The following PLEKHA4 variants were observed in gnomAD, a reference collection of about 807,000 sequenced individuals.
PLEKHA4 encodes the protein pleckstrin homology domain-containing family A member 4.
Under a neutral mutation model 94.7 loss-of-function variants are expected in PLEKHA4, and 73 were observed. The observed-to-expected ratio is 0.77, with a 90% CI of 0.64 to 0.94. PLEKHA4 has a LOEUF of 0.94. Ranked by LOEUF, PLEKHA4 falls within the 40% of genes least tolerant of loss-of-function variation. The pLI is 0.00. For missense variants in PLEKHA4, 1,049 were observed against 1,054.1 expected, an observed-to-expected ratio of 1.00 and a Z score of 0.07; for synonymous variants, 449 against 437.1, an observed-to-expected ratio of 1.03 and a Z score of -0.34.
chr19:48,845,317 TG>T, intron 16 of PLEKHA4, 52 bp downstream of exon 16: 1 of 1,549,628 alleles, frequency 6.5e-7, no homozygotes, highest in Non-Finnish European at 8.9e-7. Flanking sequence ...CCCAGAAGTG[TG>T]GGGGTCCCTG....
chr19:48,845,233 A>T, intron 16 of PLEKHA4, 137 bp downstream of exon 16: 1 of 809,818 alleles, frequency 1.2e-6, no homozygotes. Context: ...ACAAAAATCA[A>T]TCTCAATGCT....
rs1242578122 is a variant in PLEKHA4, at chr19:48,859,127, G to A, written c.705C>T (p.Pro235=). The change falls in exon 8 of 20, where the codon CCC becomes CCT. Residue 235 remains proline (P), a synonymous_variant. Transcript: ENST00000263265. ...RRARSPDLFT[P]LSRPPSPLSL... ...TCAGAGGCGAGGGAGGGCGAGAGAG[G>A]GGGGTGAACAGGCTGTGGGAAGGAG... 2 of 1,519,688 alleles carry A rather than the reference G, an allele frequency of 1.3e-6. No homozygotes were observed. The allele number at this position is 1,519,688 out of a possible 1,614,324, so 94.1% of individuals were successfully genotyped here. A position where few individuals can be genotyped will look rare whatever the true frequency, so the allele number is the denominator to read the frequency against.
At chr19:48,843,328 G>GCCA (rs1222791032) in intron 16 of PLEKHA4, among the ~76,000 whole-genome samples, 21 of 151,976 alleles carry the variant, frequency 1.4e-4, no homozygotes, top group Admixed American at 2.6e-4. Flanking sequence ...ACAGGCATGT[G>GCCA]CCACCACGCC....
intron 3 of PLEKHA4, among the ~76,000 whole-genome samples, chr19:48,863,580 A>G (rs185883570): frequency 0.015 from 2,172 of 149,536 alleles, 32 homozygotes; most frequent in Admixed American, 0.036. Context: ...GCAGGCGACC[A>G]CCACCACGCC....
At chr19:48,850,235 G>A (rs937873625) in intron 13 of PLEKHA4, among the ~76,000 whole-genome samples, 3 of 151,680 alleles carry the variant, frequency 2.0e-5, no homozygotes, top group Non-Finnish European at 2.9e-5. Flanking sequence ...GCCAGGCGCC[G>A]TGACTCACGC....
intron 17 of PLEKHA4, among the ~76,000 whole-genome samples, chr19:48,840,184 G>T (rs1046551747): frequency 4.6e-5 from 7 of 151,924 alleles, no homozygotes; most frequent in South Asian, 4.1e-4. Context: ...TCCTTCCAAG[G>T]CAGGAGGATC....
chr19:48,861,560 G>A, intron 4 of PLEKHA4, 59 bp from the exon 5 acceptor site: 1 of 1,612,512 alleles, frequency 6.2e-7, no homozygotes, highest in Non-Finnish European at 8.5e-7. Flanking sequence ...AGATGCTAGA[G>A]AGAAGGGCAG....
chr19:48,863,576 G>A (rs1445688779), intron 3 of PLEKHA4, among the ~76,000 whole-genome samples: 18 of 151,612 alleles, frequency 1.2e-4, no homozygotes, highest in African/African-American at 1.7e-4. Flanking sequence ...GACTGCAGGC[G>A]ACCACCACCA....
At chr19:48,849,140 AGGTG>A (rs2036086658) in intron 13 of PLEKHA4, among the ~76,000 whole-genome samples, 2 of 152,078 alleles carry the variant, frequency 1.3e-5, no homozygotes, top group African/African-American at 4.8e-5. Context: ...TCCTGGGCTC[AGGTG>A]ATCCACCTGC....
intron 16 of PLEKHA4, 33 bp downstream of exon 16, chr19:48,845,337 A>C: frequency 4.4e-6 from 7 of 1,598,608 alleles, no homozygotes; most frequent in Non-Finnish European, 6.0e-6. Flanking sequence ...TGATGGTCAG[A>C]TGCAAGGATT....
rs1473119325 is a variant in PLEKHA4, at chr19:48,867,156, G to A, written c.84+381C>T. The stretch of plus-strand genomic sequence containing the variant: ...CCCTTGGGTCTTATTGTCAGAGAAG[G>A]GTCTCTCCTTATAGGATTTCATTAG... On this transcript the variant is annotated intron_variant, in intron 2 of 19. Coordinates refer to ENST00000263265, the MANE Select transcript of PLEKHA4 (RefSeq NM_020904.3). The surrounding 1 kb of genome is among the most constrained non-coding windows in gnomAD (Gnocchi z 4.7). Among the ~76,000 whole-genome samples the A allele has an allele frequency of 2.6e-5, 4 of 152,108 alleles. No individual in the cohort carries two copies. The highest frequency in any genetic ancestry group is 9.7e-5 in the African/African-American group (4 of 41,424).
chr19:48,850,643 C>G (rs1338167481), intron 13 of PLEKHA4, among the ~76,000 whole-genome samples: 2 of 151,486 alleles, frequency 1.3e-5, no homozygotes, highest in African/African-American at 4.9e-5. Context: ...CATGGAGAAA[C>G]CCCGTCTCTC....
chr19:48,864,238 G>A lies in PLEKHA4; in HGVS notation c.192+1265C>T, dbSNP rs565464448. ...GGCTGGAGTGCAATGGCGCAACCTC[G>A]GCTCACTGCAACCTCCACCTCCCAG... On this transcript the variant is annotated intron_variant, in intron 3 of 19. Coordinates refer to ENST00000263265, the MANE Select transcript of PLEKHA4 (RefSeq NM_020904.3). Among the ~76,000 whole-genome samples, 224 of 150,048 alleles carry A rather than the reference G, an allele frequency of 1.5e-3. 1 individual carries two copies. The highest frequency in any genetic ancestry group is 3.8e-3 in the South Asian group (18 of 4,734).
Position 48,838,116 on chromosome 19 carries a change from T to A in PLEKHA4, c.1978A>T (p.Thr660Ser). 6.3e-7 allele frequency: 1 copy of A among 1,586,588 alleles called. No individual in the cohort carries two copies. Among genetic ancestry groups the A allele is most frequent in the Non-Finnish European group, 8.5e-7 (1 of 1,170,220 alleles). ...SGSWSSPRNT[T>S]PYLPTSEGHR... ...CCTTCGGAAGTCGGCAAGTAAGGGG[T>A]GGTGTTCCTTGGACTAGAAAAAAAA... Residue 660 changes from threonine to serine, a missense_variant, in exon 19 of 20, where the codon ACC (threonine) becomes TCC (serine). Transcript: ENST00000263265.
chr19:48,868,165 C>A lies in PLEKHA4; in HGVS notation c.-89G>T, dbSNP rs1471470309. 6.4e-6 allele frequency: 1 copy of A among 156,024 alleles called. No individual in the cohort carries two copies. Among genetic ancestry groups the A allele is most frequent in the Admixed American group, 6.2e-5 (1 of 16,164 alleles). The allele number at this position is 156,024 out of a possible 1,614,324, so 9.7% of individuals were successfully genotyped here. ...CTAGGCAGTCTCCCGCCTCCTTTGT[C>A]TCTTAGCTGCTGTCTCTCATAGTTC... is the stretch of plus-strand genomic sequence containing the variant. On this transcript the variant is annotated 5_prime_UTR_variant, in exon 1 of 20. Coordinates refer to ENST00000263265, the MANE Select transcript of PLEKHA4 (RefSeq NM_020904.3).
intron 3 of PLEKHA4, among the ~76,000 whole-genome samples, chr19:48,864,546 C>T (rs1229260199): frequency 6.6e-6 from 1 of 151,986 alleles, no homozygotes; most frequent in African/African-American, 2.4e-5. Flanking sequence ...CACGTTCAAG[C>T]ACATCATATT....
At chr19:48,861,998 G>A (rs566279624) in intron 3 of PLEKHA4, among the ~76,000 whole-genome samples, 119 of 151,580 alleles carry the variant, frequency 7.9e-4, no homozygotes, top group African/African-American at 2.6e-3. Context: ...GTGGTGGCGC[G>A]TGCCTGTAGC....
chr19:48,866,589 G>C (rs2036843814), intron 2 of PLEKHA4, among the ~76,000 whole-genome samples: 4 of 152,212 alleles, frequency 2.6e-5, no homozygotes, highest in Admixed American at 2.0e-4. Flanking sequence ...TTATAGGCGT[G>C]AGCCACTGCG....
rs150389653 is a variant in PLEKHA4, at chr19:48,863,843, A to C, written c.192+1660T>G. The stretch of plus-strand genomic sequence containing the variant: ...TGCCTCGACCTCCCGAAGTGCTGGG[A>C]TTACAGGCGTCAGCCATCGTGCCCA... On this transcript the variant is annotated intron_variant, in intron 3 of 19. Transcript: ENST00000263265. 3.2e-3 allele frequency among the ~76,000 whole-genome samples: 489 copies of C among 152,230 alleles called. 4 individuals are homozygous for C. The highest frequency in any genetic ancestry group is 9.0e-3 in the African/African-American group (373 of 41,546).
Sources: gnomAD v4.1 joint callset for allele counts (sites outside exome capture counted in the v4.1 genomes callset) on GRCh38, gnomAD v4.1.1 for gene constraint, Gnocchi (gnomAD v3.1) non-coding constraint, MANE v1.5 for transcripts, NCBI Gene and HGNC (gene_info 2026-07-23, HGNC 2026-07-21) for gene names.